MGLL: variants seen among roughly 807,000 people sequenced by gnomAD.
MGLL encodes the protein monoglyceride lipase.
In MGLL, 7 loss-of-function variants were observed where a neutral mutation model predicts 29.1. The observed-to-expected ratio is 0.24, with a 90% confidence interval of 0.14 to 0.45. The LOEUF (loss-of-function observed/expected upper bound fraction) is 0.45. Ranked by LOEUF, MGLL falls within the 20% of genes least tolerant of loss-of-function variation. The pLI is 0.99. For synonymous variants in MGLL, 148 were observed against 168.3 expected (o/e 0.88, Z 0.93); for missense variants, 356 against 413.6 (o/e 0.86, Z 1.21).
intron 2 of MGLL, among the ~76,000 whole-genome samples, chr3:127,795,720 C>T (rs1261599854): frequency 6.6e-6 from 1 of 152,036 alleles, no homozygotes; most frequent in Non-Finnish European, 1.5e-5. Flanking sequence ...AAAAAGCATG[C>T]CACCAAATCT....
intron 2 of MGLL, among the ~76,000 whole-genome samples, chr3:127,788,179 A>G (rs115314053): frequency 0.011 from 1,744 of 152,272 alleles, 41 homozygotes; most frequent in South Asian, 0.094. Context: ...GAAAATCACC[A>G]GCATGCTGCC....
At chr3:127,792,058 ACT>A (rs1002982306) in intron 2 of MGLL, among the ~76,000 whole-genome samples, 6 of 152,192 alleles carry the variant, frequency 3.9e-5, no homozygotes, top group Non-Finnish European at 8.8e-5. Context: ...ACAGAGCGAG[ACT>A]CTGTCTCAAA....
rs2075224909 is a variant in MGLL, at chr3:127,690,618, C to T, written c.*1580G>A. On this transcript the variant is annotated 3_prime_UTR_variant, in exon 8 of 8. Transcript: ENST00000265052. Reference sequence around the variant, plus strand: ...GTTGGGGGTCCTGGTGGGAAGTGGCCTCTCCTCTGTGGCCCCAGAACCCCT... The same window carrying T: ...GTTGGGGGTCCTGGTGGGAAGTGGCTTCTCCTCTGTGGCCCCAGAACCCCT... The T allele has an allele frequency of 6.5e-6, 1 of 152,760 alleles. No homozygotes were observed. 9.5% of individuals were successfully genotyped at this position (152,760 alleles called of 1,614,324 possible).
At chr3:127,740,824 T>C (rs186600945) in intron 3 of MGLL, among the ~76,000 whole-genome samples, 26 of 152,238 alleles carry the variant, frequency 1.7e-4, no homozygotes, top group African/African-American at 5.8e-4. Flanking sequence ...AGGGCTGGAT[T>C]CTGGACGTCT....
chr3:127,722,280 G>A (rs2075941644), intron 4 of MGLL, 150 bp downstream of exon 4: 3 of 1,122,990 alleles, frequency 2.7e-6, no homozygotes, highest in Non-Finnish European at 1.3e-6. Flanking sequence ...GCACGGAATT[G>A]CCCAGGAACT....
intron 3 of MGLL, among the ~76,000 whole-genome samples, chr3:127,744,158 GT>G (rs773018344): frequency 6.6e-6 from 1 of 152,072 alleles, no homozygotes; most frequent in Non-Finnish European, 1.5e-5. Context: ...GCTTTATAAT[GT>G]AACCAACTAA....
intron 2 of MGLL, among the ~76,000 whole-genome samples, chr3:127,784,419 A>G (rs1576286829): frequency 6.6e-6 from 1 of 152,328 alleles, no homozygotes; most frequent in Admixed American, 6.5e-5. Context: ...AGTGGAACTT[A>G]AGTGTGGTGA....
intron 6 of MGLL, among the ~76,000 whole-genome samples, chr3:127,708,826 T>G (rs752457860): frequency 6.6e-6 from 1 of 152,202 alleles, no homozygotes; most frequent in Non-Finnish European, 1.5e-5. Flanking sequence ...CCTGTCAAAG[T>G]GGGTCCCGTA....
At chr3:127,696,313 C>T (rs919796584) in intron 6 of MGLL, among the ~76,000 whole-genome samples, 1 of 149,200 alleles carries the variant, frequency 6.7e-6, no homozygotes, top group Non-Finnish European at 1.5e-5. Flanking sequence ...CCTGATCTCT[C>T]TAGCATCTGC....
At chr3:127,743,494 G>A (rs1406435896) in intron 3 of MGLL, among the ~76,000 whole-genome samples, 1 of 141,886 alleles carries the variant, frequency 7.0e-6, no homozygotes, top group East Asian at 2.2e-4. Context: ...TTCCTTAGAT[G>A]AAATGCCATA....
At chr3:127,710,168 C>T (rs2075684026) in intron 6 of MGLL, among the ~76,000 whole-genome samples, 1 of 152,196 alleles carries the variant, frequency 6.6e-6, no homozygotes, top group African/African-American at 2.4e-5. Context: ...GAAGCCAAAC[C>T]AGGGGAGATG....
At chr3:127,822,244 A>G in intron 1 of MGLL, 65 bp downstream of exon 1, 1 of 1,547,814 alleles carries the variant, frequency 6.5e-7, no homozygotes, top group East Asian at 2.2e-5. Context: ...AAGTGGGCAC[A>G]ATAATGAGGT....
At chr3:127,747,707 A>G (rs1441533004) in intron 3 of MGLL, among the ~76,000 whole-genome samples, 1 of 152,208 alleles carries the variant, frequency 6.6e-6, no homozygotes, top group Non-Finnish European at 1.5e-5. Flanking sequence ...AGACTTGGGA[A>G]AGAAAACCTC....
rs1020742745 is a variant in MGLL at position 127,770,949 on chromosome 3, C to T, written c.262+10840G>A. 2.6e-5 allele frequency among the ~76,000 whole-genome samples: 4 copies of T among 151,894 alleles called. 1 individual carries two copies. Among genetic ancestry groups the T allele is most frequent in the African/African-American group, 9.7e-5 (4 of 41,332 alleles). On this transcript the variant is annotated intron_variant, in intron 3 of 7. Transcript: ENST00000265052. ...CGTCGAGGTCATAAGGCTGGGAGCC[C>T]AGGAAAGGCTAGGTATCTAGGGTCA... is the stretch of plus-strand genomic sequence containing the variant.
At chr3:127,696,756 G>A (rs1188779876) in intron 6 of MGLL, among the ~76,000 whole-genome samples, 2 of 152,082 alleles carry the variant, frequency 1.3e-5, no homozygotes, top group Non-Finnish European at 2.9e-5. Context: ...TTGCCAGTGG[G>A]TTCTTGGTGG....
At chr3:127,716,180 C>T (rs370713574) in intron 5 of MGLL, among the ~76,000 whole-genome samples, 17 of 152,328 alleles carry the variant, frequency 1.1e-4, no homozygotes, top group South Asian at 1.0e-3. Context: ...AAGGGACAGG[C>T]GATGAAATGG....
intron 3 of MGLL, among the ~76,000 whole-genome samples, chr3:127,740,565 G>A (rs529351957): frequency 5.9e-5 from 9 of 152,330 alleles, no homozygotes; most frequent in Middle Eastern, 3.4e-3. Flanking sequence ...GGGGCTCTGC[G>A]GGGGCCCTGA....
At chr3:127,792,242 C>T (rs1185656824) in intron 2 of MGLL, among the ~76,000 whole-genome samples, 2 of 152,316 alleles carry the variant, frequency 1.3e-5, no homozygotes, top group African/African-American at 4.8e-5. Flanking sequence ...AAGACTACAG[C>T]CAAAAGTCCA....
chr3:127,816,887 G>A (rs902397006), intron 2 of MGLL, among the ~76,000 whole-genome samples: 1 of 152,256 alleles, frequency 6.6e-6, no homozygotes, highest in Non-Finnish European at 1.5e-5. Context: ...GACTTGGGCA[G>A]GTTCCAGAAA....
Sources: allele counts gnomAD v4.1 joint callset (sites outside exome capture counted in the v4.1 genomes callset), GRCh38; gene constraint gnomAD v4.1.1; transcripts MANE v1.5; gene names NCBI Gene and HGNC (gene_info 2026-07-23, HGNC 2026-07-21).